MGMT: variants seen among roughly 807,000 people sequenced by gnomAD.
MGMT encodes the protein O-6-methylguanine-DNA methyltransferase.
In MGMT, 14 loss-of-function variants were observed where a neutral mutation model predicts 15.9. The ratio of observed to expected loss-of-function variants is 0.88; its 90% CI spans 0.58 to 1.37. MGMT has a LOEUF of 1.37. Ranked by LOEUF, MGMT falls within the 40% of genes most tolerant of loss-of-function variation. The pLI is 0.00. For missense variants in MGMT, 282 were observed against 268.1 expected (o/e 1.05, Z -0.36); for synonymous variants, 130 against 118.2 (o/e 1.10, Z -0.65).
intron 2 of MGMT, among the ~76,000 whole-genome samples, chr10:129,593,600 A>G (rs1846715538): frequency 6.6e-6 from 1 of 152,254 alleles, no homozygotes; most frequent in African/African-American, 2.4e-5. Context: ...GCTTTAGCAA[A>G]TAACAGAAAT....
intron 2 of MGMT, among the ~76,000 whole-genome samples, chr10:129,542,136 T>G (rs758309726): frequency 1.9e-4 from 29 of 152,200 alleles, no homozygotes; most frequent in Non-Finnish European, 4.0e-4. Context: ...AAGATGCCTT[T>G]GAGCTTCCCG....
At chr10:129,492,219 A>G (rs55838448) in intron 1 of MGMT, among the ~76,000 whole-genome samples, 7,714 of 152,120 alleles carry the variant, frequency 0.051, 553 homozygotes, top group African/African-American at 0.16. Context: ...CCCTTTGAGC[A>G]TGGTCTTTTG....
At chr10:129,550,469 C>G (rs1421154134) in intron 2 of MGMT, among the ~76,000 whole-genome samples, 1 of 141,256 alleles carries the variant, frequency 7.1e-6, no homozygotes, top group African/African-American at 2.6e-5. Context: ...TTTTTTGAGA[C>G]TTAATCTCGC....
intron 2 of MGMT, among the ~76,000 whole-genome samples, chr10:129,579,422 C>T (rs1846526029): frequency 6.6e-6 from 1 of 152,230 alleles, no homozygotes; most frequent in African/African-American, 2.4e-5. Flanking sequence ...ATCCCCGGAT[C>T]ATGGCAGCGT....
chr10:129,704,691 T>A (rs1848138905), intron 2 of MGMT, among the ~76,000 whole-genome samples: 1 of 152,046 alleles, frequency 6.6e-6, no homozygotes, highest in Admixed American at 6.5e-5. Flanking sequence ...CCGTCAGGAT[T>A]TGTGTGCTTG....
intron 1 of MGMT, among the ~76,000 whole-genome samples, chr10:129,487,670 T>C (rs949157557): frequency 1.3e-5 from 2 of 152,086 alleles, no homozygotes; most frequent in African/African-American, 4.8e-5. Flanking sequence ...CTTTTTCTTA[T>C]TGATTTATAG....
At chr10:129,637,488 C>T (rs1454109132) in intron 2 of MGMT, among the ~76,000 whole-genome samples, 3 of 152,068 alleles carry the variant, frequency 2.0e-5, no homozygotes, top group African/African-American at 4.8e-5. Context: ...ATTTTCATTA[C>T]GATTTTAGGA....
chr10:129,680,207 A>T (rs1051143715), intron 2 of MGMT, among the ~76,000 whole-genome samples: 2 of 152,162 alleles, frequency 1.3e-5, no homozygotes, highest in Admixed American at 6.5e-5. Flanking sequence ...CTTTTCTGTG[A>T]ATTTTCATTA....
In MGMT at chr10:129,594,289, T is replaced by C. The variant is rs568914918; in HGVS notation, c.125+57912T>C. On this transcript the variant is annotated intron_variant, in intron 2 of 4. Coordinates refer to ENST00000651593, the MANE Select transcript of MGMT (RefSeq NM_002412.5). Reference sequence around the variant, plus strand: ...TGTTTTATCTTCCTTTACAAAGTTGTGTTGTCAACACCAAGGAAACAGTCT... The same window carrying C: ...TGTTTTATCTTCCTTTACAAAGTTGCGTTGTCAACACCAAGGAAACAGTCT... Among the ~76,000 whole-genome samples the C allele has an allele frequency of 1.6e-4, 25 of 152,300 alleles. No individual in the cohort carries two copies. In the South Asian group the frequency reaches 5.0e-3, roughly 30 times the overall value.
intron 1 of MGMT, among the ~76,000 whole-genome samples, chr10:129,497,361 C>T (rs1022685528): frequency 1.3e-5 from 2 of 152,154 alleles, no homozygotes; most frequent in African/African-American, 4.8e-5. Context: ...GGTGAGGGCC[C>T]TGCAGATTCT....
intron 2 of MGMT, among the ~76,000 whole-genome samples, chr10:129,665,170 C>G (rs557907203): frequency 2.0e-5 from 3 of 147,172 alleles, no homozygotes; most frequent in Non-Finnish European, 3.0e-5. Flanking sequence ...CTCTCTCTCT[C>G]TTCACCCACT....
chr10:129,677,268 T>C (rs1434149899), intron 2 of MGMT, among the ~76,000 whole-genome samples: 2 of 152,196 alleles, frequency 1.3e-5, no homozygotes, highest in African/African-American at 4.8e-5. Flanking sequence ...TCTTATATTA[T>C]TTATAAGCAT....
chr10:129,751,977 T>C lies in MGMT; in HGVS notation c.275-7225T>C, dbSNP rs1458749036. On this transcript the variant is annotated intron_variant, in intron 3 of 4. Transcript: ENST00000651593. ...GCACACTTGAAAAGAGTATAGATTC[T>C]ACTGTTATTGGGTGGAGTGTTCTGT... Among the ~76,000 whole-genome samples, 5 of 152,040 alleles carry C rather than the reference T, an allele frequency of 3.3e-5. No homozygotes were observed. In the East Asian group the frequency reaches 7.7e-4, roughly 23 times the overall value.
intron 4 of MGMT, 84 bp from the exon 5 acceptor site, chr10:129,766,704 C>T: frequency 2.3e-6 from 3 of 1,288,004 alleles, no homozygotes; most frequent in Non-Finnish European, 3.2e-6. Flanking sequence ...CACAGGACTC[C>T]TGTCAGTCAG....
At chr10:129,557,182 C>G (rs1476214566) in intron 2 of MGMT, among the ~76,000 whole-genome samples, 1 of 152,212 alleles carries the variant, frequency 6.6e-6, no homozygotes, top group Non-Finnish European at 1.5e-5. Context: ...AAAGCATGTG[C>G]TAATTTCGAG....
At chr10:129,478,884 A>G (rs1845325813) in intron 1 of MGMT, among the ~76,000 whole-genome samples, 1 of 148,668 alleles carries the variant, frequency 6.7e-6, no homozygotes, top group South Asian at 2.1e-4. Context: ...TTTACTTATT[A>G]GCACAGCTTG....
At chr10:129,471,679 C>T (rs568588114) in intron 1 of MGMT, among the ~76,000 whole-genome samples, 16 of 152,150 alleles carry the variant, frequency 1.1e-4, no homozygotes, top group African/African-American at 3.1e-4. Context: ...AGAGGTCTCT[C>T]GATTGCAGGG....
intron 2 of MGMT, among the ~76,000 whole-genome samples, chr10:129,550,301 A>C (rs1001636811): frequency 4.7e-5 from 7 of 149,086 alleles, no homozygotes; most frequent in Non-Finnish European, 8.9e-5. Flanking sequence ...GGCATGTTTC[A>C]CAGTGTTCCG....
intron 1 of MGMT, among the ~76,000 whole-genome samples, chr10:129,529,744 G>A (rs1845909359): frequency 6.6e-6 from 1 of 152,144 alleles, no homozygotes. Flanking sequence ...ATAAGACATG[G>A]TGAGATCACA....
Sources: allele counts gnomAD v4.1 joint callset (sites outside exome capture counted in the v4.1 genomes callset), GRCh38; gene constraint gnomAD v4.1.1; transcripts MANE v1.5; gene names NCBI Gene and HGNC (gene_info 2026-07-23, HGNC 2026-07-21).